Variants in ELP4 observed in about 807,000 individuals in gnomAD.
ELP4 encodes the protein elongator complex protein 4.
Under a neutral mutation model 48.9 loss-of-function variants are expected in ELP4, and 51 were observed. That is an observed-to-expected ratio of 1.04 (90% CI 0.83 to 1.32). The LOEUF (loss-of-function observed/expected upper bound fraction) is 1.32. ELP4 is among the 40% of genes most tolerant of loss of function. The pLI is 0.00. For synonymous variants in ELP4, 210 were observed against 189.2 expected (o/e 1.11, Z -0.90); for missense variants, 519 against 514.6 (o/e 1.01, Z -0.08).
chr11:31,623,390 T>TATATATATATAAAAAA (rs67986763), intron 5 of ELP4, among the ~76,000 whole-genome samples: 3 of 92,610 alleles, frequency 3.2e-5, no homozygotes, highest in African/African-American at 1.1e-4. Context: ...TATATATATA[T>TATATATATATAAAAAA]AAAACTAGAA....
chr11:31,673,480 T>G (rs1945853311), intron 9 of ELP4, among the ~76,000 whole-genome samples: 1 of 152,122 alleles, frequency 6.6e-6, no homozygotes, highest in Non-Finnish European at 1.5e-5. Context: ...TACAGACAAG[T>G]GCCACCACAC....
intron 9 of ELP4, among the ~76,000 whole-genome samples, chr11:31,740,956 G>C (rs1015015272): frequency 6.6e-6 from 1 of 152,254 alleles, no homozygotes; most frequent in African/African-American, 2.4e-5. Flanking sequence ...CCTCACCCGG[G>C]AAGTGCAAGG....
At chr11:31,644,495 C>A (rs1189812158) in intron 7 of ELP4, among the ~76,000 whole-genome samples, 1 of 151,760 alleles carries the variant, frequency 6.6e-6, no homozygotes, top group Non-Finnish European at 1.5e-5. Context: ...GTTCCAGTTT[C>A]AAGGCCTCTG....
chr11:31,537,589 A>G (rs1261536142), intron 2 of ELP4, among the ~76,000 whole-genome samples: 1 of 152,234 alleles, frequency 6.6e-6, no homozygotes, highest in Non-Finnish European at 1.5e-5. Flanking sequence ...TGGCTAGGTT[A>G]GAAAACTTAA....
chr11:31,531,474 C>T (rs1344157327), intron 2 of ELP4, among the ~76,000 whole-genome samples: 1 of 152,140 alleles, frequency 6.6e-6, no homozygotes, highest in African/African-American at 2.4e-5. Context: ...TCTTACCCAG[C>T]CTTGAGTAAA....
intron 9 of ELP4, among the ~76,000 whole-genome samples, chr11:31,674,578 G>C (rs1256164897): frequency 1.3e-5 from 2 of 152,202 alleles, no homozygotes; most frequent in East Asian, 3.8e-4. Flanking sequence ...AATATGGAAA[G>C]GAAAGTCTCA....
At chr11:31,527,351 A>T (rs1172741610) in intron 2 of ELP4, among the ~76,000 whole-genome samples, 1 of 152,090 alleles carries the variant, frequency 6.6e-6, no homozygotes, top group Non-Finnish European at 1.5e-5. Context: ...CGCTACATAT[A>T]TAGGATACAT....
intron 3 of ELP4, among the ~76,000 whole-genome samples, chr11:31,579,556 C>T (rs968295332): frequency 1.3e-5 from 2 of 152,062 alleles, no homozygotes; most frequent in African/African-American, 4.8e-5. Context: ...CAATGATAGA[C>T]TGGATTAAGA....
At chr11:31,633,092 C>T (rs1218038758) in intron 7 of ELP4, 2 of 151,926 alleles carry the variant, frequency 1.3e-5, no homozygotes, top group African/African-American at 4.8e-5. Flanking sequence ...TTTTAAAATT[C>T]TTAACACAGT....
intron 9 of ELP4, among the ~76,000 whole-genome samples, chr11:31,695,045 G>C (rs1447930894): frequency 3.9e-5 from 6 of 152,252 alleles, no homozygotes; most frequent in Admixed American, 3.9e-4. Context: ...ATCAGCTTAA[G>C]GAGATTTTGG....
intron 9 of ELP4, among the ~76,000 whole-genome samples, chr11:31,731,929 A>G (rs1192845467): frequency 1.3e-5 from 2 of 152,136 alleles, no homozygotes; most frequent in East Asian, 3.8e-4. Flanking sequence ...GAAAAAAAAA[A>G]TTGCCAACAA....
At chr11:31,696,669 C>T (rs1946414551) in intron 9 of ELP4, among the ~76,000 whole-genome samples, 1 of 152,044 alleles carries the variant, frequency 6.6e-6, no homozygotes, top group African/African-American at 2.4e-5. Flanking sequence ...AAGCACTAAA[C>T]ATGAAAGGAA....
intron 3 of ELP4, among the ~76,000 whole-genome samples, chr11:31,584,769 C>T (rs1957447358): frequency 6.6e-6 from 1 of 152,146 alleles, no homozygotes; most frequent in Non-Finnish European, 1.5e-5. Context: ...AGGTAATATG[C>T]CCACCTCGGC....
At chr11:31,656,024 A>T (rs182835151) in intron 9 of ELP4, among the ~76,000 whole-genome samples, 1 of 152,038 alleles carries the variant, frequency 6.6e-6, no homozygotes, top group Non-Finnish European at 1.5e-5. Flanking sequence ...TGAAAAATCT[A>T]TTAAGCACTT....
chr11:31,728,765 T>G (rs911532304), intron 9 of ELP4, among the ~76,000 whole-genome samples: 1 of 152,228 alleles, frequency 6.6e-6, no homozygotes, highest in Non-Finnish European at 1.5e-5. Flanking sequence ...ATAGGATAGC[T>G]AATGCATTTC....
chr11:31,694,647 C>T (rs192597917), intron 9 of ELP4, among the ~76,000 whole-genome samples: 43 of 152,248 alleles, frequency 2.8e-4, no homozygotes, highest in African/African-American at 1.0e-3. Flanking sequence ...GCAATGCGGG[C>T]TCTTTTTTGG....
intron 9 of ELP4, among the ~76,000 whole-genome samples, chr11:31,748,588 T>G (rs1947650262): frequency 6.6e-6 from 1 of 152,192 alleles, no homozygotes; most frequent in Non-Finnish European, 1.5e-5. Context: ...TGACATTTAC[T>G]TTACTAAACA....
Position 31,785,565 on chromosome 11 carries a change from C to G in ELP4, c.*2041C>G, listed in dbSNP as rs544117348. The G allele has an allele frequency of 8.3e-5, 16 of 193,926 alleles. No individual in the cohort carries two copies. The highest frequency in any genetic ancestry group is 1.5e-4 in the Non-Finnish European group (14 of 93,086). 12.0% of individuals were successfully genotyped at this position (193,926 alleles called of 1,614,324 possible). On this transcript the variant is annotated 3_prime_UTR_variant, in exon 10 of 10. Transcript: ENST00000640961. ...AAACTTTTCAAACTCAGTAAAAGTG[C>G]ATTTTGAATAATAAGTGTACCTGGG...
rs915669980 is a variant in ELP4, at chr11:31,616,285, T to C, written c.654-10825T>C. ...GATAGCCCAAAAATAAATTTTGGTA[T>C]ATATGGTCAAATAATCTTCAACAGG... On this transcript the variant is annotated intron_variant, in intron 5 of 9. Transcript: ENST00000640961. Among the ~76,000 whole-genome samples, 6 of 152,200 alleles carry C rather than the reference T, an allele frequency of 3.9e-5. No homozygotes were observed. In the East Asian group the frequency reaches 1.2e-3, roughly 29 times the overall value.
Sources: gnomAD v4.1 joint callset for allele counts (sites outside exome capture counted in the v4.1 genomes callset) on GRCh38, gnomAD v4.1.1 for gene constraint, MANE v1.5 for transcripts, NCBI Gene and HGNC (gene_info 2026-07-23, HGNC 2026-07-21) for gene names.